Variants in ENTREP1 observed in about 807,000 individuals in gnomAD.
ENTREP1 encodes the protein endosomal transmembrane epsin interactor 1, also known as Friedreich ataxia region gene X123.
chr9:69,379,552 G>C, the ENTREP1 span: 1 of 152,284 alleles, frequency 6.6e-6, no homozygotes, highest in Non-Finnish European at 1.5e-5. Context: ...GACAGAGGCT[G>C]AAGAGATATG....
the ENTREP1 span, among the ~76,000 whole-genome samples, chr9:69,340,134 T>C: frequency 6.6e-6 from 1 of 152,234 alleles, no homozygotes; most frequent in Non-Finnish European, 1.5e-5. Flanking sequence ...CAAATTTCTC[T>C]CACTTGCTTT....
At chr9:69,377,463 A>G in the ENTREP1 span, 2 of 1,613,666 alleles carry the variant, frequency 1.2e-6, no homozygotes, top group East Asian at 2.2e-5. Flanking sequence ...ATTCGCAACC[A>G]GGAGATCCTG....
the ENTREP1 span, among the ~76,000 whole-genome samples, chr9:69,358,558 G>C: frequency 6.6e-6 from 1 of 152,122 alleles, no homozygotes; most frequent in East Asian, 1.9e-4. Flanking sequence ...GGGAAAAAAA[G>C]GGCACAATGA....
the ENTREP1 span, chr9:69,380,478 C>A: frequency 2.0e-5 from 3 of 152,232 alleles, no homozygotes. Context: ...TATGACCTCT[C>A]AGAAGAGGTT....
At chr9:69,384,728 C>T in the ENTREP1 span, among the ~76,000 whole-genome samples, 1 of 152,100 alleles carries the variant, frequency 6.6e-6, no homozygotes, top group African/African-American at 2.4e-5. Context: ...TCCACCAGGA[C>T]AAAATCACAA....
the ENTREP1 span, chr9:69,380,813 A>G: frequency 6.6e-6 from 1 of 152,268 alleles, no homozygotes; most frequent in African/African-American, 2.4e-5. Flanking sequence ...GGTCTTGGGC[A>G]TTGACGTGGT....
chr9:69,383,072 G>A, the ENTREP1 span: 1 of 984,840 alleles, frequency 1.0e-6, no homozygotes, highest in Non-Finnish European at 1.2e-6. Flanking sequence ...GAATTTTGCT[G>A]TTGACGGTTC....
At chr9:69,325,606 A>C in the ENTREP1 span, 293 of 1,229,426 alleles carry the variant, frequency 2.4e-4, 2 homozygotes, top group Middle Eastern at 8.1e-3. Context: ...CGCTGCTGTC[A>C]CTTGGGCTGC....
chr9:69,333,666 A>G, the ENTREP1 span, among the ~76,000 whole-genome samples: 8 of 152,198 alleles, frequency 5.3e-5, no homozygotes, highest in African/African-American at 1.7e-4. Context: ...GTTCTCTATT[A>G]ATGGAGACCA....
the ENTREP1 span, among the ~76,000 whole-genome samples, chr9:69,332,180 C>G: frequency 6.6e-6 from 1 of 152,224 alleles, no homozygotes. Context: ...CCCATCACCA[C>G]TCACAGGGTT....
At chr9:69,379,414 A>G in the ENTREP1 span, among the ~76,000 whole-genome samples, 1 of 152,212 alleles carries the variant, frequency 6.6e-6, no homozygotes, top group Admixed American at 6.5e-5. Flanking sequence ...GCTGGGTGAC[A>G]GGTGGCCTGG....
chr9:69,349,920 T>G, the ENTREP1 span, among the ~76,000 whole-genome samples: 1 of 152,242 alleles, frequency 6.6e-6, no homozygotes, highest in Non-Finnish European at 1.5e-5. Context: ...CAGTTTCTAT[T>G]GAATGCATAT....
the ENTREP1 span, chr9:69,380,849 G>GC: frequency 5.2e-5 from 8 of 152,490 alleles, no homozygotes; most frequent in Admixed American, 3.9e-4. Context: ...TTAAAGCAGA[G>GC]CCCCCCCAAA....
the ENTREP1 span, chr9:69,375,676 A>C: frequency 7.4e-7 from 1 of 1,348,124 alleles, no homozygotes; most frequent in Non-Finnish European, 1.1e-6. Context: ...GCTCCATGGT[A>C]GAGCCAGGGT....
At chr9:69,392,002 G>A in the ENTREP1 span, 155 of 601,900 alleles carry the variant, frequency 2.6e-4, no homozygotes, top group South Asian at 4.8e-4. Context: ...CTGGGTTTGG[G>A]ATGCACTGAG....
chr9:69,345,732 AG>A, the ENTREP1 span, among the ~76,000 whole-genome samples: 1 of 152,158 alleles, frequency 6.6e-6, no homozygotes, highest in Non-Finnish European at 1.5e-5. Context: ...CCTCCTGAGT[AG>A]CTGGGATTAC....
At chr9:69,349,889 G>C in the ENTREP1 span, among the ~76,000 whole-genome samples, 1 of 152,282 alleles carries the variant, frequency 6.6e-6, no homozygotes, top group South Asian at 2.1e-4. Flanking sequence ...AAATGGAGTA[G>C]TTTAATGGGT....
At chr9:69,377,340 C>T in the ENTREP1 span, 1 of 1,216,758 alleles carries the variant, frequency 8.2e-7, no homozygotes, top group East Asian at 2.3e-5. Context: ...TGTTGAAGTA[C>T]TTAGTGGTGC....
the ENTREP1 span, among the ~76,000 whole-genome samples, chr9:69,378,376 CCTT>C: frequency 6.6e-5 from 10 of 152,274 alleles, no homozygotes; most frequent in East Asian, 1.7e-3. Context: ...AAAATTTTGA[CCTT>C]CTTAAATATC....
Sources: allele counts gnomAD v4.1 joint callset (sites outside exome capture counted in the v4.1 genomes callset), GRCh38; gene constraint gnomAD v4.1.1; transcripts MANE v1.5; gene names NCBI Gene and HGNC (gene_info 2026-07-23, HGNC 2026-07-21).